Variants in TBC1D12 observed in about 807,000 individuals in gnomAD.
TBC1D12 encodes TBC1 domain family member 12.
TBC1D12 carries 56 observed loss-of-function variants against 86.7 expected under a neutral mutation model. The observed-to-expected ratio is 0.65, with a 90% CI of 0.52 to 0.81. TBC1D12 has a LOEUF of 0.81. Among genes scored for constraint, TBC1D12 ranks in the 30% least tolerant of loss-of-function variants. The pLI, the probability that TBC1D12 is intolerant of heterozygous loss-of-function variation, is 0.00. For synonymous variants in TBC1D12, 421 were observed against 411.7 expected, an observed-to-expected ratio of 1.02 and a Z score of -0.27; for missense variants, 1,023 against 1,038.8, an observed-to-expected ratio of 0.98 and a Z score of 0.21.
At chr10:94,421,005 AGAAAACCCTCTTTTAGCTGTTTTGAAAT>A (rs2055066249) in intron 1 of TBC1D12, among the ~76,000 whole-genome samples, 1 of 152,218 alleles carries the variant, frequency 6.6e-6, no homozygotes, top group African/African-American at 2.4e-5. Context: ...TGAGAACATT[AGAAAACCCTCTTTTAGCTGTTTTGAAAT>A]ATATATTATT....
rs867427300 is a variant in TBC1D12, at chr10:94,441,939, C to T, written c.1015C>T (p.His339Tyr). 1 of 1,613,274 alleles carries T rather than the reference C, an allele frequency of 6.2e-7. No individual in the cohort carries two copies. The highest frequency in any genetic ancestry group is 8.5e-7 in the Non-Finnish European group (1 of 1,179,624). ...GACAAAGGAACTCAAATCAGTTGTC[C>T]ATAGTGCTCCTGGTTGGAAATTATT... ...KRTKELKSVV[H>Y]SAPGWKLFGK... is the part of the protein sequence containing the mutation. Residue 339 changes from histidine to tyrosine, a missense_variant, in exon 2 of 13, where the codon CAT becomes TAT. Physicochemically the swap from His to Tyr is moderately conservative, Grantham distance 83. This residue lies in a region of TBC1D12 where 628 missense variants were observed against 531.1 expected (regional missense o/e 1.18). Transcript: ENST00000225235.
intron 1 of TBC1D12, among the ~76,000 whole-genome samples, chr10:94,418,827 C>T (rs1479173376): frequency 6.6e-6 from 1 of 151,976 alleles, no homozygotes; most frequent in Non-Finnish European, 1.5e-5. Flanking sequence ...CCCGCATCAG[C>T]CTCCCAAAGT....
intron 1 of TBC1D12, among the ~76,000 whole-genome samples, chr10:94,414,600 CTTTTTTT>C (rs71031575): frequency 7.4e-6 from 1 of 135,002 alleles, no homozygotes. Flanking sequence ...TACTGTGAAA[CTTTTTTT>C]TTTTTTTTTT....
intron 2 of TBC1D12, among the ~76,000 whole-genome samples, chr10:94,447,343 T>C (rs1451103286): frequency 6.6e-6 from 1 of 152,128 alleles, no homozygotes; most frequent in African/African-American, 2.4e-5. Flanking sequence ...CACACACACA[T>C]CTATATACAA....
At chr10:94,449,988 T>A (rs1051957181) in intron 2 of TBC1D12, among the ~76,000 whole-genome samples, 14 of 152,220 alleles carry the variant, frequency 9.2e-5, no homozygotes, top group African/African-American at 3.1e-4. Flanking sequence ...ACCATTCTGC[T>A]GCCAATTCAA....
chr10:94,470,948 A>G (rs1418697286), intron 2 of TBC1D12, among the ~76,000 whole-genome samples: 1 of 152,086 alleles, frequency 6.6e-6, no homozygotes, highest in Non-Finnish European at 1.5e-5. Flanking sequence ...ACAACTTCTT[A>G]TGTGAATGAT....
chr10:94,510,670 T>A (rs1414441172), intron 8 of TBC1D12, among the ~76,000 whole-genome samples: 1 of 152,192 alleles, frequency 6.6e-6, no homozygotes, highest in African/African-American at 2.4e-5. Context: ...TCTTTATTTT[T>A]ATTTCTTTTT....
chr10:94,428,668 C>G (rs745870663), intron 1 of TBC1D12, among the ~76,000 whole-genome samples: 32 of 151,852 alleles, frequency 2.1e-4, no homozygotes, highest in Admixed American at 4.6e-4. Flanking sequence ...ATTGTGCACA[C>G]AATTTGAGAA....
At chr10:94,452,300 A>G (rs1024431179) in intron 2 of TBC1D12, among the ~76,000 whole-genome samples, 2 of 152,038 alleles carry the variant, frequency 1.3e-5, no homozygotes, top group Non-Finnish European at 2.9e-5. Context: ...ACAGTCACTC[A>G]AAGTCCATAG....
intron 11 of TBC1D12, among the ~76,000 whole-genome samples, chr10:94,524,820 A>C (rs946678782): frequency 6.6e-6 from 1 of 151,818 alleles, no homozygotes; most frequent in Non-Finnish European, 1.5e-5. Context: ...GTTCATTAAA[A>C]AATTTTTTTT....
intron 3 of TBC1D12, among the ~76,000 whole-genome samples, chr10:94,476,163 T>C (rs1461028889): frequency 2.0e-5 from 3 of 152,114 alleles, no homozygotes; most frequent in African/African-American, 4.8e-5. Flanking sequence ...CTAGCCTTTC[T>C]TGCCATTTTC....
At chr10:94,490,979 T>A (rs74150803) in intron 3 of TBC1D12, among the ~76,000 whole-genome samples, 1,855 of 152,260 alleles carry the variant, frequency 0.012, 54 homozygotes, top group African/African-American at 0.043. Flanking sequence ...TCTGGTTTTC[T>A]GGTTTGTAAC....
chr10:94,475,884 C>T (rs989248624), intron 3 of TBC1D12, among the ~76,000 whole-genome samples: 1 of 152,132 alleles, frequency 6.6e-6, no homozygotes, highest in Non-Finnish European at 1.5e-5. Context: ...CTTGGGTTCT[C>T]TGGATCAATT....
chr10:94,488,386 C>CTTTTTTTTTTTTT (rs770258959), intron 3 of TBC1D12, among the ~76,000 whole-genome samples: 1 of 74,794 alleles, frequency 1.3e-5, no homozygotes, highest in African/African-American at 5.5e-5. Context: ...CCCAAGGGGT[C>CTTTTTTTTTTTTT]TTTTTTTTTT....
chr10:94,491,675 A>G (rs2056246874), intron 3 of TBC1D12, among the ~76,000 whole-genome samples: 2 of 152,184 alleles, frequency 1.3e-5, no homozygotes, highest in African/African-American at 4.8e-5. Context: ...CCATCCTGCT[A>G]GGGACATGAG....
chr10:94,476,151 T>G (rs889680155), intron 3 of TBC1D12, among the ~76,000 whole-genome samples: 6 of 151,996 alleles, frequency 3.9e-5, no homozygotes, highest in Non-Finnish European at 7.4e-5. Context: ...ATGTAAAACT[T>G]CCTAGCCTTT....
At chr10:94,524,717 C>T (rs577351796) in intron 11 of TBC1D12, among the ~76,000 whole-genome samples, 3 of 139,740 alleles carry the variant, frequency 2.1e-5, no homozygotes, top group African/African-American at 2.7e-5. Flanking sequence ...CTAGACAGAG[C>T]GAGACTCCAT....
chr10:94,529,009 AT>A (rs201651798), intron 11 of TBC1D12, among the ~76,000 whole-genome samples: 34 of 148,006 alleles, frequency 2.3e-4, no homozygotes, highest in African/African-American at 4.0e-4. Context: ...TTGGTTCAGG[AT>A]TTTTTTTTTT....
intron 9 of TBC1D12, among the ~76,000 whole-genome samples, chr10:94,519,405 A>C (rs1842082691): frequency 6.6e-6 from 1 of 152,080 alleles, no homozygotes; most frequent in Non-Finnish European, 1.5e-5. Context: ...AAACACCACA[A>C]ATTAGGCGAG....
Sources: gnomAD v4.1 joint callset for allele counts (sites outside exome capture counted in the v4.1 genomes callset) on GRCh38, gnomAD v4.1.1 for gene constraint, gnomAD v4.1.1 regional missense constraint, MANE v1.5 for transcripts, NCBI Gene and HGNC (gene_info 2026-07-23, HGNC 2026-07-21) for gene names.